CNTNAP2: variants seen among roughly 807,000 people sequenced by gnomAD.
CNTNAP2 encodes contactin-associated protein-like 2.
Under a neutral mutation model 155.2 loss-of-function variants are expected in CNTNAP2, and 98 were observed. That is an observed-to-expected ratio of 0.63 (90% CI 0.54 to 0.75). The LOEUF (loss-of-function observed/expected upper bound fraction) is 0.75. Ranked by LOEUF, CNTNAP2 falls within the 30% of genes least tolerant of loss-of-function variation. The probability of loss-of-function intolerance (pLI) is 0.00; values close to 1 mark genes in which losing one functional copy is unlikely to be tolerated. For synonymous variants in CNTNAP2, 651 were observed against 631.2 expected, an observed-to-expected ratio of 1.03 and a Z score of -0.47; for missense variants, 1,727 against 1,688.1, an observed-to-expected ratio of 1.02 and a Z score of -0.40.
At chr7:146,644,609 A>T (rs1434341900) in intron 1 of CNTNAP2, among the ~76,000 whole-genome samples, 1 of 152,138 alleles carries the variant, frequency 6.6e-6, no homozygotes, top group Non-Finnish European at 1.5e-5. Context: ...TATTGGTCTA[A>T]AATTCGCAAA....
At chr7:146,759,681 C>CAAAAAAAAAAAAAAAAAAAAAAA (rs376817827) in intron 1 of CNTNAP2, among the ~76,000 whole-genome samples, 2 of 54,600 alleles carry the variant, frequency 3.7e-5, no homozygotes, top group African/African-American at 8.3e-5. Flanking sequence ...GTGAGACTGT[C>CAAAAAAAAAAAAAAAAAAAAAAA]AAAAAAAAAA....
At chr7:146,651,943 T>C (rs1362715735) in intron 1 of CNTNAP2, among the ~76,000 whole-genome samples, 1 of 152,134 alleles carries the variant, frequency 6.6e-6, no homozygotes, top group Non-Finnish European at 1.5e-5. Context: ...TATATTATGA[T>C]AGGCTGGCTA....
chr7:148,124,909 A>G (rs1804682212), intron 16 of CNTNAP2, among the ~76,000 whole-genome samples: 1 of 152,214 alleles, frequency 6.6e-6, no homozygotes, highest in East Asian at 1.9e-4. Flanking sequence ...AAATCAGGCA[A>G]AAAAGTTAAA....
At chr7:146,712,820 A>G (rs1160318166) in intron 1 of CNTNAP2, among the ~76,000 whole-genome samples, 1 of 152,078 alleles carries the variant, frequency 6.6e-6, no homozygotes, top group Non-Finnish European at 1.5e-5. Flanking sequence ...ACTCAATTCA[A>G]AAGTATTTGC....
intron 3 of CNTNAP2, among the ~76,000 whole-genome samples, chr7:146,851,309 A>C (rs1265478920): frequency 3.9e-5 from 6 of 152,282 alleles, no homozygotes; most frequent in African/African-American, 1.4e-4. Context: ...CAATACAAAA[A>C]TTGAGGTTCA....
At chr7:148,057,627 T>C (rs1333760219) in intron 15 of CNTNAP2, among the ~76,000 whole-genome samples, 1 of 152,176 alleles carries the variant, frequency 6.6e-6, no homozygotes, top group Non-Finnish European at 1.5e-5. Context: ...TTTAGAATTG[T>C]GAATAATAGA....
At chr7:146,273,327 C>A (rs1800114112) in intron 1 of CNTNAP2, among the ~76,000 whole-genome samples, 3 of 151,812 alleles carry the variant, frequency 2.0e-5, no homozygotes, top group Non-Finnish European at 2.9e-5. Context: ...TATAACTAGG[C>A]CAAGTGTAAT....
intron 17 of CNTNAP2, among the ~76,000 whole-genome samples, chr7:148,166,077 CCTA>C (rs367608211): frequency 6.2e-4 from 94 of 152,062 alleles, no homozygotes; most frequent in African/African-American, 2.2e-3. Context: ...TCCTAACCAC[CCTA>C]CTTGAAATTG....
chr7:147,643,125 T>C (rs1316693847), intron 13 of CNTNAP2, among the ~76,000 whole-genome samples: 8 of 152,112 alleles, frequency 5.3e-5, no homozygotes, highest in African/African-American at 1.9e-4. Context: ...TGAGAAACAC[T>C]GTCTTTAATT....
rs58802628 is a variant in CNTNAP2, at chr7:147,555,892, C to T, written c.1778-6246C>T. 4.1e-3 allele frequency among the ~76,000 whole-genome samples: 618 copies of T among 152,346 alleles called. 6 individuals are homozygous for T. The highest frequency in any genetic ancestry group is 0.014 in the African/African-American group (590 of 41,594). On this transcript the variant is annotated intron_variant, in intron 11 of 23. Transcript: ENST00000361727. ...GGAATAGGGCCTCCTTCATGTTTCT[C>T]CCCCTACCCTATCCATTCTTTAATC... is the stretch of plus-strand genomic sequence containing the variant.
intron 1 of CNTNAP2, among the ~76,000 whole-genome samples, chr7:146,324,318 TCTGAAACC>T (rs1278663219): frequency 2.0e-5 from 3 of 151,948 alleles, no homozygotes; most frequent in African/African-American, 7.3e-5. Context: ...ACCTAAGAGG[TCTGAAACC>T]TAAGTAGGGA....
rs563936796 is a variant in CNTNAP2 at position 146,162,938 on chromosome 7, A to G, written c.97+45965A>G. 2.6e-5 allele frequency among the ~76,000 whole-genome samples: 4 copies of G among 152,248 alleles called. No homozygotes were observed. The South Asian group carries it at 8.3e-4, about 32-fold the overall frequency. The stretch of plus-strand genomic sequence containing the variant: ...AACCAAACACCGCATGTTCTCACTC[A>G]TAGGTGGGAATTGAACAATGAGAAC... On this transcript the variant is annotated intron_variant, in intron 1 of 23. Coordinates refer to ENST00000361727, the MANE Select transcript of CNTNAP2 (RefSeq NM_014141.6).
At chr7:147,355,522 T>A (rs904435393) in intron 9 of CNTNAP2, among the ~76,000 whole-genome samples, 7 of 151,644 alleles carry the variant, frequency 4.6e-5, no homozygotes, top group African/African-American at 1.7e-4. Context: ...TTGAAAAGAT[T>A]AACAAAATAG....
At chr7:146,766,061 A>G (rs1802189271) in intron 1 of CNTNAP2, among the ~76,000 whole-genome samples, 1 of 152,176 alleles carries the variant, frequency 6.6e-6, no homozygotes, top group African/African-American at 2.4e-5. Flanking sequence ...AGGGGAAGCC[A>G]TCAGGAAGCC....
At chr7:147,230,312 G>A (rs933703023) in intron 8 of CNTNAP2, among the ~76,000 whole-genome samples, 1 of 151,908 alleles carries the variant, frequency 6.6e-6, no homozygotes, top group African/African-American at 2.4e-5. Context: ...GGCTGGAGTA[G>A]AGTGGTGCGA....
At chr7:146,970,514 C>G (rs941388892) in intron 3 of CNTNAP2, among the ~76,000 whole-genome samples, 14 of 152,140 alleles carry the variant, frequency 9.2e-5, no homozygotes, top group African/African-American at 2.7e-4. Context: ...CAGTGAGATA[C>G]CATCCCACAC....
intron 3 of CNTNAP2, among the ~76,000 whole-genome samples, chr7:146,861,750 C>T (rs977106535): frequency 2.6e-5 from 4 of 152,102 alleles, no homozygotes; most frequent in Non-Finnish European, 5.9e-5. Context: ...TGTGTTACAT[C>T]GCTTCATCTG....
intron 1 of CNTNAP2, among the ~76,000 whole-genome samples, chr7:146,607,620 G>A (rs1585004305): frequency 6.6e-6 from 1 of 151,818 alleles, no homozygotes; most frequent in African/African-American, 2.4e-5. Flanking sequence ...GGGATTACAG[G>A]TGCATGCATC....
At chr7:146,905,957 G>A (rs1194709627) in intron 3 of CNTNAP2, among the ~76,000 whole-genome samples, 2 of 152,342 alleles carry the variant, frequency 1.3e-5, no homozygotes, top group East Asian at 1.9e-4. Context: ...CACCGTGCGC[G>A]AGCCGAAGCA....
Sources: allele counts gnomAD v4.1 joint callset (sites outside exome capture counted in the v4.1 genomes callset), GRCh38; gene constraint gnomAD v4.1.1; transcripts MANE v1.5; gene names NCBI Gene and HGNC (gene_info 2026-07-23, HGNC 2026-07-21).